The following CSMD2 variants were observed in gnomAD, a reference collection of about 807,000 sequenced individuals.
CSMD2 encodes CUB and sushi domain-containing protein 2.
CSMD2 carries 130 observed loss-of-function variants against 398.5 expected under a neutral mutation model. The observed-to-expected ratio is 0.33, with a 90% CI of 0.28 to 0.38. The LOEUF (loss-of-function observed/expected upper bound fraction) is 0.38, where lower values mean the gene tolerates loss of function less well. CSMD2 is among the 10% of genes least tolerant of loss of function. The pLI is 1.00. For synonymous variants in CSMD2, 1,828 were observed against 1,908.5 expected, an observed-to-expected ratio of 0.96 and a Z score of 1.10; for missense variants, 3,829 against 4,764.9, an observed-to-expected ratio of 0.80 and a Z score of 5.78.
chr1:33,918,858 C>T (rs1196226024), intron 4 of CSMD2, among the ~76,000 whole-genome samples: 1 of 152,198 alleles, frequency 6.6e-6, no homozygotes, highest in African/African-American at 2.4e-5. Context: ...GCTCAGTTTG[C>T]TTCTCTGTTG....
At chr1:34,159,117 AC>A (rs1369364876) in intron 1 of CSMD2, among the ~76,000 whole-genome samples, 1 of 151,804 alleles carries the variant, frequency 6.6e-6, no homozygotes. Context: ...CAGCACACTT[AC>A]TGAGTGTCCA....
At position 33,585,560 on chromosome 1, in the gene CSMD2, C is replaced by T. The variant is rs548719559; in HGVS notation, c.7051+944G>A. On this transcript the variant is annotated intron_variant, in intron 46 of 70. Coordinates refer to ENST00000373381, the MANE Select transcript of CSMD2 (RefSeq NM_001281956.2). ...AACTAATGTCTTCTAAGAGGAAACT[C>T]GCTTAGCTTTGACATGTTCCTGATT... is the stretch of plus-strand genomic sequence containing the variant. Among the ~76,000 whole-genome samples, 3 of 152,312 alleles carry T rather than the reference C, an allele frequency of 2.0e-5. No individual in the cohort carries two copies. In the East Asian group the frequency reaches 5.8e-4, roughly 29 times the overall value.
At chr1:33,865,476 C>T (rs1350264694) in intron 5 of CSMD2, among the ~76,000 whole-genome samples, 2 of 151,892 alleles carry the variant, frequency 1.3e-5, no homozygotes, top group Non-Finnish European at 2.9e-5. Flanking sequence ...AATATGTGGC[C>T]TCCACTCCTC....
chr1:33,779,928 A>G (rs1652498328), intron 12 of CSMD2, among the ~76,000 whole-genome samples: 1 of 152,112 alleles, frequency 6.6e-6, no homozygotes. Context: ...GGAGGAGAGG[A>G]TGGAAGGAAA....
At chr1:33,653,267 C>G (rs553622304) in intron 27 of CSMD2, among the ~76,000 whole-genome samples, 1 of 152,326 alleles carries the variant, frequency 6.6e-6, no homozygotes, top group African/African-American at 2.4e-5. Context: ...CCGGCACTGT[C>G]TGTACACCTA....
intron 2 of CSMD2, among the ~76,000 whole-genome samples, chr1:34,053,798 C>T (rs1653499942): frequency 6.6e-6 from 1 of 152,094 alleles, no homozygotes; most frequent in African/African-American, 2.4e-5. Context: ...GCACTAGCTT[C>T]AACAAGGCAC....
intron 5 of CSMD2, among the ~76,000 whole-genome samples, chr1:33,901,836 C>A (rs953991187): frequency 6.6e-6 from 1 of 152,146 alleles, no homozygotes; most frequent in Non-Finnish European, 1.5e-5. Flanking sequence ...CACGCATAAG[C>A]CATAACCAAA....
chr1:33,891,098 T>G (rs1281583045), intron 5 of CSMD2, among the ~76,000 whole-genome samples: 2 of 151,686 alleles, frequency 1.3e-5, no homozygotes, highest in African/African-American at 4.8e-5. Flanking sequence ...GAAACTACCA[T>G]CAGAGTGAAC....
intron 13 of CSMD2, among the ~76,000 whole-genome samples, chr1:33,754,944 G>C (rs545201656): frequency 2.0e-5 from 3 of 151,822 alleles, no homozygotes; most frequent in Non-Finnish European, 4.4e-5. Context: ...TCATGGGTTC[G>C]AGCAGGGTAG....
chr1:33,661,208 A>G (rs1345972531), intron 26 of CSMD2, among the ~76,000 whole-genome samples: 1 of 152,136 alleles, frequency 6.6e-6, no homozygotes, highest in Non-Finnish European at 1.5e-5. Context: ...CTTTTCTTTT[A>G]AGCCGCACCC....
At chr1:34,094,780 G>A (rs1475172573) in intron 1 of CSMD2, among the ~76,000 whole-genome samples, 1 of 152,066 alleles carries the variant, frequency 6.6e-6, no homozygotes, top group Non-Finnish European at 1.5e-5. Context: ...TGGCCTACAA[G>A]GAGACTTAGA....
chr1:33,563,541 C>T (rs1324207850), intron 53 of CSMD2, among the ~76,000 whole-genome samples: 4 of 152,136 alleles, frequency 2.6e-5, no homozygotes, highest in East Asian at 3.8e-4. Flanking sequence ...TGTTGGGGCT[C>T]GCAGTCATTG....
At chr1:33,679,945 G>C (rs1312521760) in intron 25 of CSMD2, among the ~76,000 whole-genome samples, 3 of 149,744 alleles carry the variant, frequency 2.0e-5, no homozygotes, top group Non-Finnish European at 4.4e-5. Context: ...TTTTGAGATG[G>C]AGTCTTGCTC....
chr1:33,693,017 T>C lies in CSMD2; in HGVS notation c.3965A>G (p.Gln1322Arg), dbSNP rs770481880. 2.5e-6 allele frequency: 4 copies of C among 1,604,178 alleles called. No homozygotes were observed. The highest frequency in any genetic ancestry group is 3.4e-6 in the Non-Finnish European group (4 of 1,175,902). Residue 1322 changes from glutamine (Q) to arginine (R), a missense_variant, in exon 25 of 71, where the codon CAG becomes CGG. Transcript: ENST00000373381. ...GGTVRGEVSG[Q>R]VLSPGYPAPY... ...AGCTGGATACCCGGGTGACAGCACC[T>C]GCCCCGACACCTCTCCTCTCACTGT...
intron 49 of CSMD2, among the ~76,000 whole-genome samples, chr1:33,577,065 G>A (rs944088129): frequency 2.0e-5 from 3 of 152,212 alleles, no homozygotes; most frequent in African/African-American, 4.8e-5. Flanking sequence ...CTCCTGACAC[G>A]ACACTTCCTT....
At chr1:33,884,222 G>A (rs1641431249) in intron 5 of CSMD2, among the ~76,000 whole-genome samples, 1 of 151,820 alleles carries the variant, frequency 6.6e-6, no homozygotes. Context: ...CCCGTTGTAA[G>A]CTCTCTCCTC....
chr1:33,925,983 C>T (rs893392382), intron 4 of CSMD2, among the ~76,000 whole-genome samples: 4 of 152,154 alleles, frequency 2.6e-5, no homozygotes, highest in Non-Finnish European at 5.9e-5. Flanking sequence ...GCTGCTTCCT[C>T]GAGGATCTTT....
At position 33,559,517 on chromosome 1, in the gene CSMD2, C is replaced by T. The variant is rs528630265; in HGVS notation, c.8381-44G>A. On this transcript the variant is annotated intron_variant, in intron 53 of 70. Coordinates refer to ENST00000373381, the MANE Select transcript of CSMD2 (RefSeq NM_001281956.2). This position sits in a 1 kb window ranked among gnomAD's most constrained non-coding sequence, Gnocchi z 4.0. ...ATAGGTAAGCCCTCCTACTATTCCA[C>T]ACCCCTCAGAATTTATCCACCTCTC... 322 of 1,514,370 alleles carry T rather than the reference C, an allele frequency of 2.1e-4. No homozygotes were observed. The highest frequency in any genetic ancestry group is 1.2e-3 in the Admixed American group (63 of 50,844). 93.8% of individuals were successfully genotyped at this position (1,514,370 alleles called of 1,614,324 possible).
chr1:34,092,915 G>A (rs1405204048), intron 1 of CSMD2, among the ~76,000 whole-genome samples: 15 of 152,138 alleles, frequency 9.9e-5, no homozygotes, highest in African/African-American at 3.1e-4. Flanking sequence ...CACAGCTCAA[G>A]GAGGCCTGCC....
Sources: gnomAD v4.1 joint callset for allele counts (sites outside exome capture counted in the v4.1 genomes callset) on GRCh38, gnomAD v4.1.1 for gene constraint, Gnocchi (gnomAD v3.1) non-coding constraint, MANE v1.5 for transcripts, NCBI Gene and HGNC (gene_info 2026-07-23, HGNC 2026-07-21) for gene names.